SYNE2: variants seen among roughly 807,000 people sequenced by gnomAD.
The protein encoded by SYNE2 is nesprin-2.
In SYNE2, 431 loss-of-function variants were observed where a neutral mutation model predicts 856.3. The ratio of observed to expected loss-of-function variants is 0.50; its 90% CI spans 0.47 to 0.55. SYNE2 has a LOEUF of 0.55. Among genes scored for constraint, SYNE2 ranks in the 20% least tolerant of loss-of-function variants. SYNE2 has a pLI of 0.00. For synonymous variants in SYNE2, 2,923 were observed against 2,872.3 expected, an observed-to-expected ratio of 1.02 and a Z score of -0.56; for missense variants, 8,129 against 8,023.2, an observed-to-expected ratio of 1.01 and a Z score of -0.50.
chr14:63,964,976 T>G (rs900634966), intron 10 of SYNE2, among the ~76,000 whole-genome samples: 7 of 151,326 alleles, frequency 4.6e-5, no homozygotes, highest in African/African-American at 1.7e-4. Flanking sequence ...TTTTTTTTTT[T>G]TTTTGAGGCG....
intron 1 of SYNE2, among the ~76,000 whole-genome samples, chr14:63,858,758 G>A (rs1892637366): frequency 6.6e-6 from 1 of 152,114 alleles, no homozygotes; most frequent in Admixed American, 6.6e-5. Context: ...CAGAGTTTTG[G>A]AGGGGACATT....
chr14:64,126,635 T>C lies in SYNE2; in HGVS notation c.13745T>C (p.Leu4582Pro). The stretch of plus-strand genomic sequence containing the variant: ...GAGTTGAAGAAACTTTATTTAGCGC[T>C]AAGTGACAAGAAGGGTGATCTTTTG... The part of the protein sequence containing the change: ...ALELKKLYLA[L>P]SDKKGDLLKA... The change falls in exon 73 of 116, where the codon CTA (leucine) becomes CCA (proline). Residue 4582 changes from leucine (L) to proline (P), a missense_variant. Leu to Pro is a moderately conservative substitution (Grantham distance 98). Coordinates refer to ENST00000555002, the MANE Select transcript of SYNE2 (RefSeq NM_182914.3). 1 of 1,614,140 alleles carries C rather than the reference T, an allele frequency of 6.2e-7. No individual in the cohort carries two copies. Among genetic ancestry groups the C allele is most frequent in the Non-Finnish European group, 8.5e-7 (1 of 1,180,016 alleles).
chr14:63,921,230 T>C (rs1003218380), intron 2 of SYNE2, among the ~76,000 whole-genome samples: 13 of 151,366 alleles, frequency 8.6e-5, no homozygotes, highest in African/African-American at 3.2e-4. Flanking sequence ...GGAAGGGAGT[T>C]GGTTAGACAT....
At chr14:64,175,443 A>G (rs547216813) in intron 95 of SYNE2, among the ~76,000 whole-genome samples, 1 of 152,252 alleles carries the variant, frequency 6.6e-6, no homozygotes, top group African/African-American at 2.4e-5. Context: ...AGACAGAAAC[A>G]CTTCATTTTT....
intron 1 of SYNE2, among the ~76,000 whole-genome samples, chr14:63,880,385 C>T (rs116602573): frequency 0.011 from 1,739 of 152,144 alleles, 42 homozygotes; most frequent in African/African-American, 0.04. Context: ...AGCCACCATG[C>T]CTGGCTGAAG....
intron 57 of SYNE2, among the ~76,000 whole-genome samples, chr14:64,082,038 A>G (rs899539740): frequency 6.6e-6 from 1 of 151,948 alleles, no homozygotes; most frequent in Non-Finnish European, 1.5e-5. Flanking sequence ...GTGAGCCGAG[A>G]TCGCACCACT....
intron 99 of SYNE2, 83 bp downstream of exon 99, chr14:64,190,320 A>C (rs1036346651): frequency 6.4e-7 from 1 of 1,561,580 alleles, no homozygotes; most frequent in Admixed American, 1.7e-5. Flanking sequence ...GTCTTCCTCT[A>C]AGATGATCCA....
chr14:63,827,625 C>CAAAAAAAAAAAAAAACAAAAAAAAAAAA (rs1889486919), intron 1 of SYNE2, among the ~76,000 whole-genome samples: 6 of 28,408 alleles, frequency 2.1e-4, no homozygotes, highest in African/African-American at 3.8e-4. Context: ...AACTCTGTCT[C>CAAAAAAAAAAAAAAACAAAAAAAAAAAA]AAAAAAAAAA....
intron 1 of SYNE2, among the ~76,000 whole-genome samples, chr14:63,779,710 G>A (rs978841039): frequency 4.0e-5 from 6 of 151,816 alleles, no homozygotes; most frequent in African/African-American, 4.8e-5. Context: ...TCAGGAGTTC[G>A]AGACCAACCT....
chr14:64,098,625 G>A, intron 62 of SYNE2, 122 bp from the exon 63 acceptor site: 2 of 939,036 alleles, frequency 2.1e-6, no homozygotes, highest in Non-Finnish European at 1.7e-6. Context: ...GGCTTCTTGT[G>A]GGGGTGGGCA....
At chr14:64,092,829 AAC>A (rs775788042) in intron 60 of SYNE2, among the ~76,000 whole-genome samples, 5 of 152,160 alleles carry the variant, frequency 3.3e-5, no homozygotes, top group Non-Finnish European at 5.9e-5. Context: ...TTACTCGTAA[AAC>A]ACACATCACT....
chr14:64,112,022 GA>G (rs1443867886), intron 65 of SYNE2, among the ~76,000 whole-genome samples: 17 of 152,168 alleles, frequency 1.1e-4, no homozygotes, highest in Admixed American at 1.1e-3. Flanking sequence ...AATAGATGGT[GA>G]AAGGTAAAAA....
At chr14:64,032,431 G>A (rs895344202) in intron 45 of SYNE2, among the ~76,000 whole-genome samples, 1 of 152,108 alleles carries the variant, frequency 6.6e-6, no homozygotes, top group Non-Finnish European at 1.5e-5. Context: ...GCATGACAGT[G>A]CACATCTGTT....
At position 64,078,454 on chromosome 14, in the gene SYNE2, T is replaced by G; in HGVS notation, c.11023-12T>G. On this transcript the variant is annotated splice_polypyrimidine_tract_variant and intron_variant, in intron 54 of 115. Transcript: ENST00000555002. ...CCTCTCTAAGCCAAATGCGTCTTTG[T>G]CTCTTTCACAGATTAGCAATGAAGT... The G allele has an allele frequency of 1.2e-6, 2 of 1,613,668 alleles. No individual in the cohort carries two copies. Among genetic ancestry groups the G allele is most frequent in the Non-Finnish European group, 1.7e-6 (2 of 1,179,788 alleles).
Position 64,051,791 on chromosome 14 carries a change from T to A in SYNE2, c.7878T>A (p.Asp2626Glu). 6.2e-7 allele frequency: 1 copy of A among 1,614,144 alleles called. No homozygotes were observed. The highest frequency in any genetic ancestry group is 8.5e-7 in the Non-Finnish European group (1 of 1,180,022). The stretch of plus-strand genomic sequence containing the variant: ...ATTCTCAGCAGGTAGTGGAATATGA[T>A]GAATTTACAACCCTCATGAATAAGG... ...KKYSQQVVEY[D>E]EFTTLMNKVQ... Residue 2626 changes from aspartate (D) to glutamate (E), a missense_variant, in exon 48 of 116, where the codon GAT becomes GAA. This residue lies in a region of SYNE2 where 5,410 missense variants were observed against 5,284.8 expected (regional missense o/e 1.02). Transcript: ENST00000555002.
At chr14:63,829,978 A>G (rs1395076084) in intron 1 of SYNE2, among the ~76,000 whole-genome samples, 1 of 152,146 alleles carries the variant, frequency 6.6e-6, no homozygotes, top group African/African-American at 2.4e-5. Flanking sequence ...CAACCAATTA[A>G]TCTGGAATGT....
chr14:64,210,817 T>TGC (rs2098636750), intron 103 of SYNE2, among the ~76,000 whole-genome samples: 1 of 152,052 alleles, frequency 6.6e-6, no homozygotes, highest in Admixed American at 6.5e-5. Context: ...AATCTGGGCT[T>TGC]TCTTTCTTTT....
chr14:64,015,039 A>ATATATGTATATATATAAATATATATGTG (rs2096881316), intron 32 of SYNE2, among the ~76,000 whole-genome samples: 1 of 144,768 alleles, frequency 6.9e-6, no homozygotes, highest in African/African-American at 2.5e-5. Flanking sequence ...ATATATATGT[A>ATATATGTATATATATAAATATATATGTG]TATATGTATA....
intron 110 of SYNE2, among the ~76,000 whole-genome samples, 197 bp downstream of exon 110, chr14:64,219,607 A>G (rs950135073): frequency 2.0e-5 from 3 of 152,188 alleles, no homozygotes; most frequent in Non-Finnish European, 4.4e-5. Flanking sequence ...ATGGAAGAGT[A>G]TCTGCAAATG....
Sources: allele counts gnomAD v4.1 joint callset (sites outside exome capture counted in the v4.1 genomes callset), GRCh38; gene constraint gnomAD v4.1.1; regional missense constraint gnomAD v4.1.1; transcripts MANE v1.5; gene names NCBI Gene and HGNC (gene_info 2026-07-23, HGNC 2026-07-21).